Variants in GOLPH3L observed in about 807,000 individuals in gnomAD.
GOLPH3L encodes the protein Golgi phosphoprotein 3-like.
GOLPH3L carries 22 observed loss-of-function variants against 30.3 expected under a neutral mutation model. That is an observed-to-expected ratio of 0.73 (90% CI 0.52 to 1.04). The LOEUF (loss-of-function observed/expected upper bound fraction) is 1.04. GOLPH3L is among the 50% of genes least tolerant of loss of function. The probability of loss-of-function intolerance (pLI) is 0.00; values close to 1 mark genes in which losing one functional copy is unlikely to be tolerated. For missense variants in GOLPH3L, 303 were observed against 345.8 expected (o/e 0.88, Z 0.98); for synonymous variants, 120 against 128.2 (o/e 0.94, Z 0.43).
intron 2 of GOLPH3L, among the ~76,000 whole-genome samples, chr1:150,691,699 T>C (rs1375505491): frequency 6.6e-6 from 1 of 152,174 alleles, no homozygotes; most frequent in Admixed American, 6.5e-5. Flanking sequence ...TGGCTTGATT[T>C]TGTTTATAAT....
At chr1:150,692,963 G>A (rs149741719) in intron 2 of GOLPH3L, among the ~76,000 whole-genome samples, 3 of 152,156 alleles carry the variant, frequency 2.0e-5, no homozygotes, top group African/African-American at 4.8e-5. Context: ...ATGTGTAAAC[G>A]TCTCAAAAGA....
rs587736770 is a variant in GOLPH3L, at chr1:150,666,413, C to A, written c.184-2650G>T. Reference sequence around the variant, plus strand: ...AGGCTGGAGTGCAATGGCACAATCTCGGCTCACTGCAACCTCCGTCTCCCA... The same window carrying A: ...AGGCTGGAGTGCAATGGCACAATCTAGGCTCACTGCAACCTCCGTCTCCCA... On this transcript the variant is annotated intron_variant, in intron 2 of 4. Coordinates refer to ENST00000271732, the MANE Select transcript of GOLPH3L (RefSeq NM_018178.6). Among the ~76,000 whole-genome samples, 82 of 152,022 alleles carry A rather than the reference C, an allele frequency of 5.4e-4. 1 individual carries two copies. Among genetic ancestry groups the A allele is most frequent in the Admixed American group, 4.7e-3 (71 of 15,268 alleles).
At chr1:150,660,455 C>G (rs976543411) in intron 4 of GOLPH3L, among the ~76,000 whole-genome samples, 2 of 152,150 alleles carry the variant, frequency 1.3e-5, no homozygotes, top group Non-Finnish European at 2.9e-5. Context: ...GAATTAAAAA[C>G]AGGAACTTGA....
At chr1:150,650,441 A>G (rs587695553) in intron 4 of GOLPH3L, among the ~76,000 whole-genome samples, 1 of 152,338 alleles carries the variant, frequency 6.6e-6, no homozygotes, top group Non-Finnish European at 1.5e-5. Flanking sequence ...AAACCAGTAT[A>G]GCAGGTGTCC....
chr1:150,694,032 TA>T (rs1651285914), intron 2 of GOLPH3L: 1 of 298,014 alleles, frequency 3.4e-6, no homozygotes, highest in Admixed American at 4.8e-5. Flanking sequence ...GCTAATTTTT[TA>T]TTTTTAGTAG....
chr1:150,652,737 A>C (rs1331612218), intron 4 of GOLPH3L, among the ~76,000 whole-genome samples: 2 of 152,178 alleles, frequency 1.3e-5, no homozygotes, highest in Non-Finnish European at 2.9e-5. Context: ...TTAACTTTTT[A>C]AACTTTTGCG....
At chr1:150,674,481 T>C (rs1236423046) in intron 2 of GOLPH3L, among the ~76,000 whole-genome samples, 1 of 152,068 alleles carries the variant, frequency 6.6e-6, no homozygotes, top group Non-Finnish European at 1.5e-5. Context: ...CAGGGTAGTT[T>C]CGAACTCCTG....
At chr1:150,653,379 G>T (rs587598389) in intron 4 of GOLPH3L, among the ~76,000 whole-genome samples, 14 of 146,630 alleles carry the variant, frequency 9.5e-5, no homozygotes, top group Admixed American at 4.1e-4. Flanking sequence ...CACTGCAACC[G>T]CTGCCTGCCG....
chr1:150,652,690 CAA>C (rs879334621), intron 4 of GOLPH3L, among the ~76,000 whole-genome samples: 12 of 152,038 alleles, frequency 7.9e-5, no homozygotes, highest in African/African-American at 2.2e-4. Context: ...TTGCACAAAA[CAA>C]TATTTATATA....
chr1:150,665,617 A>C (rs1217261659), intron 2 of GOLPH3L, among the ~76,000 whole-genome samples: 1 of 152,100 alleles, frequency 6.6e-6, no homozygotes, highest in Non-Finnish European at 1.5e-5. Flanking sequence ...TTAACATAAA[A>C]CCTAAATTTT....
rs1216383318 is a variant in GOLPH3L at position 150,694,665 on chromosome 1, T to C, written c.174A>G (p.Lys58=). The change falls in exon 2 of 5, where the codon AAA becomes AAG. Residue 58 remains lysine, a synonymous_variant. Coordinates refer to ENST00000271732, the MANE Select transcript of GOLPH3L (RefSeq NM_018178.6). ...AACCTAACTGCATTACCTCTTTATC[T>C]TTTAGTCCCAGAAGCAATACTTCTT... ...LMEEVLLLGL[K]DKEGYTSFWN... The C allele has an allele frequency of 1.3e-6, 2 of 1,596,750 alleles. No homozygotes were observed. The highest frequency in any genetic ancestry group is 2.3e-5 in the South Asian group (2 of 88,392).
rs1651310529 is a variant in GOLPH3L, at chr1:150,694,817, C to A, written c.22G>T (p.Ala8Ser). Residue 8 changes from alanine to serine, a missense_variant, in exon 2 of 5, where the codon GCC becomes TCC. Physicochemically the swap from Ala to Ser is moderately conservative, Grantham distance 99. Transcript: ENST00000271732. MTTLTHR[A>S]RRTEISKNSE... is the part of the protein sequence containing the mutation. ...TTCTTGCTTATTTCAGTGCGACGGG[C>A]CCGGTGAGTTAAAGTGGTCATTCTC... 1 of 1,610,462 alleles carries A rather than the reference C, an allele frequency of 6.2e-7. No individual in the cohort carries two copies. Among genetic ancestry groups the A allele is most frequent in the Non-Finnish European group, 8.5e-7 (1 of 1,178,438 alleles).
intron 4 of GOLPH3L, among the ~76,000 whole-genome samples, chr1:150,651,404 C>G (rs1485040884): frequency 6.6e-6 from 1 of 151,956 alleles, no homozygotes; most frequent in African/African-American, 2.4e-5. Context: ...AATCCCAGCA[C>G]TTTGGGAGGC....
chr1:150,693,905 G>A (rs940250262), intron 2 of GOLPH3L, among the ~76,000 whole-genome samples: 5 of 117,412 alleles, frequency 4.3e-5, no homozygotes, highest in Non-Finnish European at 8.0e-5. Flanking sequence ...TGTCATCCAG[G>A]CTGGAGTGCA....
intron 4 of GOLPH3L, among the ~76,000 whole-genome samples, chr1:150,655,305 A>G (rs1345019285): frequency 6.6e-6 from 1 of 152,152 alleles, no homozygotes. Context: ...AAGTAGTTAC[A>G]TTTTCCATTG....
intron 4 of GOLPH3L, among the ~76,000 whole-genome samples, chr1:150,658,489 T>C (rs1261435414): frequency 6.6e-6 from 1 of 152,212 alleles, no homozygotes; most frequent in Non-Finnish European, 1.5e-5. Context: ...ATAATAAATC[T>C]GCTCCTATAG....
At chr1:150,684,928 A>G (rs1651048242) in intron 2 of GOLPH3L, among the ~76,000 whole-genome samples, 1 of 152,182 alleles carries the variant, frequency 6.6e-6, no homozygotes. Context: ...TCGGCCTCCC[A>G]AAGTGCTGGG....
chr1:150,673,653 G>T (rs587609974), intron 2 of GOLPH3L, among the ~76,000 whole-genome samples: 2 of 152,072 alleles, frequency 1.3e-5, no homozygotes, highest in African/African-American at 4.8e-5. Context: ...AACAGGCCAG[G>T]CTCAGTGGCT....
At chr1:150,686,934 T>A (rs1651098126) in intron 2 of GOLPH3L, among the ~76,000 whole-genome samples, 1 of 146,468 alleles carries the variant, frequency 6.8e-6, no homozygotes, top group Non-Finnish European at 1.5e-5. Context: ...TATGCCTGGA[T>A]ATAATAAAAA....
Sources: allele counts gnomAD v4.1 joint callset (sites outside exome capture counted in the v4.1 genomes callset), GRCh38; gene constraint gnomAD v4.1.1; transcripts MANE v1.5; gene names NCBI Gene and HGNC (gene_info 2026-07-23, HGNC 2026-07-21).